Variants in MYO3B observed in about 807,000 individuals in gnomAD.
MYO3B encodes the protein myosin-IIIb.
MYO3B carries 156 observed loss-of-function variants against 174.6 expected under a neutral mutation model. The observed-to-expected ratio is 0.89, with a 90% confidence interval of 0.78 to 1.02. The LOEUF (loss-of-function observed/expected upper bound fraction) is 1.02. Among genes scored for constraint, MYO3B ranks in the 50% least tolerant of loss-of-function variants. MYO3B has a pLI of 0.00. For missense variants in MYO3B, 1,632 were observed against 1,639.4 expected, an observed-to-expected ratio of 1.00 and a Z score of 0.08; for synonymous variants, 563 against 569.1, an observed-to-expected ratio of 0.99 and a Z score of 0.15.
chr2:170,298,991 A>G (rs532122329), intron 7 of MYO3B, among the ~76,000 whole-genome samples: 1 of 152,292 alleles, frequency 6.6e-6, no homozygotes, highest in South Asian at 2.1e-4. Flanking sequence ...GCTATATGAT[A>G]TAGCCTAGGT....
intron 7 of MYO3B, among the ~76,000 whole-genome samples, chr2:170,266,586 G>C (rs1298811016): frequency 6.6e-6 from 1 of 152,158 alleles, no homozygotes; most frequent in Non-Finnish European, 1.5e-5. Context: ...CTGTCAAGCA[G>C]AGAAGTACAA....
At chr2:170,251,372 A>G (rs2093251695) in intron 7 of MYO3B, among the ~76,000 whole-genome samples, 1 of 152,190 alleles carries the variant, frequency 6.6e-6, no homozygotes, top group Non-Finnish European at 1.5e-5. Context: ...GATTGATTGC[A>G]AAATGCACCA....
chr2:170,464,684 C>T (rs1052023081), intron 24 of MYO3B, among the ~76,000 whole-genome samples: 5 of 152,154 alleles, frequency 3.3e-5, no homozygotes, highest in Non-Finnish European at 5.9e-5. Flanking sequence ...TGCATTGAGT[C>T]GTGCTATAGC....
intron 6 of MYO3B, among the ~76,000 whole-genome samples, chr2:170,219,963 T>C (rs953430685): frequency 1.3e-5 from 2 of 152,178 alleles, no homozygotes; most frequent in African/African-American, 4.8e-5. Flanking sequence ...GTACATTTAT[T>C]AAGAGGTGTT....
At chr2:170,495,936 C>T (rs988243093) in intron 25 of MYO3B, among the ~76,000 whole-genome samples, 4 of 152,240 alleles carry the variant, frequency 2.6e-5, no homozygotes, top group African/African-American at 9.6e-5. Flanking sequence ...ACCAAAACTA[C>T]AGTCCTGGAG....
chr2:170,422,977 C>CTTTTTTT (rs34882424), intron 22 of MYO3B, among the ~76,000 whole-genome samples: 1,024 of 88,444 alleles, frequency 0.012, 78 homozygotes, highest in Non-Finnish European at 0.016. Context: ...TTCTTTCTTT[C>CTTTTTTT]TTTTTTTTTT....
intron 32 of MYO3B, among the ~76,000 whole-genome samples, chr2:170,573,550 T>C (rs1343839764): frequency 6.6e-6 from 1 of 152,150 alleles, no homozygotes; most frequent in East Asian, 1.9e-4. Flanking sequence ...TCAGAAATAA[T>C]TTGTGCTATT....
At chr2:170,392,186 A>G (rs2094416899) in intron 15 of MYO3B, among the ~76,000 whole-genome samples, 195 bp from the exon 16 acceptor site, 3 of 151,524 alleles carry the variant, frequency 2.0e-5, no homozygotes, top group African/African-American at 7.3e-5. Context: ...CAAGCTACTC[A>G]GGAGGCTGAG....
intron 1 of MYO3B, among the ~76,000 whole-genome samples, chr2:170,192,792 G>A (rs991885441): frequency 6.6e-6 from 1 of 151,044 alleles, no homozygotes; most frequent in Non-Finnish European, 1.5e-5. Flanking sequence ...TTAACTTTTT[G>A]TTTTATATCA....
rs1574926985 is a variant in MYO3B at position 170,404,509 on chromosome 2, G to A, written c.2431+109G>A. The A allele has an allele frequency of 1.0e-5, 12 of 1,173,438 alleles. No individual in the cohort carries two copies. The South Asian group carries it at 1.9e-4, about 19-fold the overall frequency. 72.7% of individuals were successfully genotyped at this position (1,173,438 alleles called of 1,614,324 possible). A position where few individuals can be genotyped will look rare whatever the true frequency, so the allele number is the denominator to read the frequency against. ...ACCTTACATATTTTGTTTATATGGTGGTTTGTAAGAATATAGGCCTTCTTT... is the reference window on the plus strand; with the variant it reads ...ACCTTACATATTTTGTTTATATGGTAGTTTGTAAGAATATAGGCCTTCTTT... On this transcript the variant is annotated intron_variant, in intron 20 of 34. Transcript: ENST00000408978.
chr2:170,635,785 A>G lies in MYO3B; in HGVS notation c.3734-15843A>G, dbSNP rs562529711. ...TTCTTACATATTTATAGATAAGGGGAAGGAGGAGGAGATATCCAAAGGTCT... is the reference window on the plus strand; with the variant it reads ...TTCTTACATATTTATAGATAAGGGGGAGGAGGAGGAGATATCCAAAGGTCT... On this transcript the variant is annotated intron_variant, in intron 32 of 34. Transcript: ENST00000408978. Among the ~76,000 whole-genome samples the G allele has an allele frequency of 4.4e-4, 67 of 152,242 alleles. 1 individual carries two copies. The South Asian group carries it at 7.7e-3, about 17-fold the overall frequency.
At chr2:170,487,613 T>C (rs1034955747) in intron 25 of MYO3B, among the ~76,000 whole-genome samples, 2 of 152,206 alleles carry the variant, frequency 1.3e-5, no homozygotes, top group Non-Finnish European at 2.9e-5. Context: ...AAAAAAATGT[T>C]TCAGTCTGTG....
intron 32 of MYO3B, among the ~76,000 whole-genome samples, chr2:170,621,134 C>A (rs1461598196): frequency 6.6e-6 from 1 of 152,104 alleles, no homozygotes; most frequent in Admixed American, 6.5e-5. Flanking sequence ...AGCAATCCAC[C>A]CGCCTCGGCC....
intron 23 of MYO3B, among the ~76,000 whole-genome samples, chr2:170,460,487 C>CAA (rs36000141): frequency 0.36 from 26,315 of 73,486 alleles, 6,798 homozygotes; most frequent in Middle Eastern, 0.44. Flanking sequence ...GACTCCGTCT[C>CAA]AAAAAAAAAA....
intron 8 of MYO3B, among the ~76,000 whole-genome samples, chr2:170,359,319 G>GGGC (rs2094144575): frequency 1.3e-5 from 2 of 152,178 alleles, no homozygotes; most frequent in Non-Finnish European, 2.9e-5. Flanking sequence ...TTGTCTTCAA[G>GGGC]TTCCAGGGCT....
At chr2:170,277,405 A>T (rs1290263283) in intron 7 of MYO3B, among the ~76,000 whole-genome samples, 1 of 152,212 alleles carries the variant, frequency 6.6e-6, no homozygotes, top group Non-Finnish European at 1.5e-5. Flanking sequence ...GCAATAAGTC[A>T]TTAAATCAAA....
chr2:170,419,852 A>G (rs570458114), intron 22 of MYO3B, among the ~76,000 whole-genome samples: 7 of 152,252 alleles, frequency 4.6e-5, no homozygotes, highest in Non-Finnish European at 8.8e-5. Context: ...GAAAGTGGGG[A>G]AAAAGCTGCG....
chr2:170,344,322 C>G (rs751192875), intron 8 of MYO3B: 2 of 152,130 alleles, frequency 1.3e-5, no homozygotes, highest in Non-Finnish European at 2.9e-5. Context: ...AAAAATTAGC[C>G]TGGTGTGGTG....
At chr2:170,409,838 G>A (rs893331187) in intron 22 of MYO3B, among the ~76,000 whole-genome samples, 1 of 152,170 alleles carries the variant, frequency 6.6e-6, no homozygotes, top group Non-Finnish European at 1.5e-5. Flanking sequence ...CTCAAACCTC[G>A]ATTCTAACAT....
Sources: gnomAD v4.1 joint callset for allele counts (sites outside exome capture counted in the v4.1 genomes callset) on GRCh38, gnomAD v4.1.1 for gene constraint, MANE v1.5 for transcripts, NCBI Gene and HGNC (gene_info 2026-07-23, HGNC 2026-07-21) for gene names.